The following GLIS1 variants were observed in gnomAD, a reference collection of about 807,000 sequenced individuals.
The protein encoded by GLIS1 is GLIS family zinc finger 1, also known as zinc finger protein GLIS1.
GLIS1 carries 24 observed loss-of-function variants against 63.8 expected under a neutral mutation model. The observed-to-expected ratio is 0.38, with a 90% confidence interval of 0.27 to 0.53. GLIS1 has a LOEUF of 0.53. Ranked by LOEUF, GLIS1 falls within the 20% of genes least tolerant of loss-of-function variation. The pLI, the probability that GLIS1 is intolerant of heterozygous loss-of-function variation, is 0.85. For missense variants in GLIS1, 1,036 were observed against 1,074.1 expected (o/e 0.96, Z 0.50); for synonymous variants, 450 against 482.5 (o/e 0.93, Z 0.88).
intron 2 of GLIS1, among the ~76,000 whole-genome samples, chr1:53,636,453 T>G (rs1401132420): frequency 2.0e-5 from 3 of 152,072 alleles, no homozygotes; most frequent in Admixed American, 1.3e-4. Context: ...AAAAAAAAGC[T>G]TCCTTAATGT....
At chr1:53,550,836 C>A (rs1644750494) in intron 4 of GLIS1, among the ~76,000 whole-genome samples, 1 of 152,016 alleles carries the variant, frequency 6.6e-6, no homozygotes, top group Admixed American at 6.6e-5. Flanking sequence ...TCCAAAATCC[C>A]AGCAATTTTT....
intron 2 of GLIS1, among the ~76,000 whole-genome samples, chr1:53,704,753 C>A (rs1646559975): frequency 6.6e-6 from 1 of 152,140 alleles, no homozygotes; most frequent in Non-Finnish European, 1.5e-5. Context: ...CTCTAGCAGC[C>A]CCCAAACCTG....
At chr1:53,605,755 G>A (rs17382457) in intron 2 of GLIS1, among the ~76,000 whole-genome samples, 42,312 of 152,096 alleles carry the variant, frequency 0.28, 6,294 homozygotes, top group South Asian at 0.36. Context: ...GATTGAAGAA[G>A]GGACTTGTCC....
In GLIS1 at chr1:53,514,634, G is replaced by A. The variant is rs1331995403; in HGVS notation, c.1874C>T (p.Thr625Ile). 1 of 1,613,530 alleles carries A rather than the reference G, an allele frequency of 6.2e-7. No individual in the cohort carries two copies. The highest frequency in any genetic ancestry group is 1.7e-5 in the Admixed American group (1 of 59,976). The change falls in exon 8 of 11, where the codon ACC becomes ATC. Residue 625 changes from threonine to isoleucine, a missense_variant. Physicochemically the swap from Thr to Ile is moderately conservative, Grantham distance 89. Around this residue, in one of 3 missense-constraint regions of GLIS1, gnomAD observed 400 missense variants for 400.9 expected, o/e 1.00. Transcript: ENST00000628545. Reference protein sequence around the residue: ...HLSPLPMAESTRDGLGPGLLS... With the variant: ...HLSPLPMAESIRDGLGPGLLS... ...GGCCTGGTGTACATACCCATCCCGG[G>A]TGCTCTCAGCCATGGGCAGAGGGGA...
At chr1:53,711,211 A>AG (rs1646643365) in intron 2 of GLIS1, among the ~76,000 whole-genome samples, 1 of 152,124 alleles carries the variant, frequency 6.6e-6, no homozygotes, top group Admixed American at 6.5e-5. Flanking sequence ...GAAACTAAGG[A>AG]AGTAACTTGC....
intron 2 of GLIS1, among the ~76,000 whole-genome samples, chr1:53,713,603 A>T (rs554433802): frequency 2.4e-4 from 37 of 152,320 alleles, no homozygotes; most frequent in East Asian, 1.4e-3. Context: ...AAAATTTTTT[A>T]AAAAAATAAC....
At chr1:53,726,241 G>C (rs1001928408) in intron 2 of GLIS1, among the ~76,000 whole-genome samples, 1 of 152,206 alleles carries the variant, frequency 6.6e-6, no homozygotes, top group Middle Eastern at 3.4e-3. Flanking sequence ...AGAAGGGGCG[G>C]GTAGGTCGGC....
At position 53,526,620 on chromosome 1, in the gene GLIS1, C is replaced by A. The variant is rs565145110; in HGVS notation, c.1483-1733G>T. Among the ~76,000 whole-genome samples, 143 of 152,338 alleles carry A rather than the reference C, an allele frequency of 9.4e-4. No homozygotes were observed. Among genetic ancestry groups the A allele is most frequent in the African/African-American group, 3.2e-3 (135 of 41,588 alleles). On this transcript the variant is annotated intron_variant, in intron 5 of 10. Transcript: ENST00000628545. The surrounding 1 kb of genome is among the most constrained non-coding windows in gnomAD (Gnocchi z 4.4). ...CACGCACGGCACACACACGTGCGTT[C>A]ACATGTGCCCAGGCACACACACGGC...
At chr1:53,658,901 G>A (rs1245228983) in intron 2 of GLIS1, among the ~76,000 whole-genome samples, 2 of 152,192 alleles carry the variant, frequency 1.3e-5, no homozygotes, top group Admixed American at 6.5e-5. Context: ...AATGAGTGGG[G>A]AGGTGGGGGG....
chr1:53,707,622 C>A (rs947322775), intron 2 of GLIS1, among the ~76,000 whole-genome samples: 2 of 151,712 alleles, frequency 1.3e-5, no homozygotes, highest in African/African-American at 4.8e-5. Flanking sequence ...TGCACTGCAG[C>A]CTGGGTGACA....
At chr1:53,607,630 G>C (rs1415144743) in intron 2 of GLIS1, among the ~76,000 whole-genome samples, 1 of 152,200 alleles carries the variant, frequency 6.6e-6, no homozygotes, top group Non-Finnish European at 1.5e-5. Flanking sequence ...TGCAAGGCCA[G>C]CTCTATTAGA....
intron 2 of GLIS1, among the ~76,000 whole-genome samples, chr1:53,632,496 A>G (rs1048402288): frequency 7.0e-6 from 1 of 142,850 alleles, no homozygotes; most frequent in Admixed American, 6.9e-5. Context: ...CATGTGAATG[A>G]GTGTGACTGA....
chr1:53,669,932 CAGCCCAGCCAA>C (rs1024942457), intron 2 of GLIS1, among the ~76,000 whole-genome samples: 3 of 144,708 alleles, frequency 2.1e-5, no homozygotes, highest in Non-Finnish European at 4.6e-5. Flanking sequence ...CAGCAGCTTG[CAGCCCAGCCAA>C]GGCCCAGCCA....
At chr1:53,596,019 C>A (rs965780993) in intron 3 of GLIS1, among the ~76,000 whole-genome samples, 4 of 152,208 alleles carry the variant, frequency 2.6e-5, no homozygotes, top group African/African-American at 9.6e-5. Context: ...GCCGTGCAAA[C>A]GTGGGCAAGG....
chr1:53,718,964 C>T lies in GLIS1; in HGVS notation c.259+18842G>A, dbSNP rs139165883. On this transcript the variant is annotated intron_variant, in intron 2 of 10. Coordinates refer to ENST00000628545, the MANE Select transcript of GLIS1 (RefSeq NM_001367484.1). ...CTCTTTGGACTTGGATGCTTAGTGC[C>T]CACTGTGTTACCCTGGGCCACTTCT... Among the ~76,000 whole-genome samples the T allele has an allele frequency of 5.3e-5, 8 of 152,316 alleles. 1 individual carries two copies. In the South Asian group the frequency reaches 1.7e-3, roughly 32 times the overall value.
At chr1:53,589,660 G>A (rs980484982) in intron 4 of GLIS1, among the ~76,000 whole-genome samples, 2 of 152,188 alleles carry the variant, frequency 1.3e-5, no homozygotes, top group Non-Finnish European at 2.9e-5. Flanking sequence ...AGGGGCGTAA[G>A]GAATGGAGAC....
chr1:53,621,559 A>T (rs1645542670), intron 2 of GLIS1, among the ~76,000 whole-genome samples: 1 of 152,292 alleles, frequency 6.6e-6, no homozygotes, highest in African/African-American at 2.4e-5. Flanking sequence ...CCAAATGGCT[A>T]CATTCCCAAA....
At chr1:53,692,470 T>C (rs926562015) in intron 2 of GLIS1, among the ~76,000 whole-genome samples, 2 of 152,266 alleles carry the variant, frequency 1.3e-5, no homozygotes, top group South Asian at 4.1e-4. Flanking sequence ...GCACTTACTG[T>C]GTGCTTTACA....
chr1:53,703,495 C>T (rs541342615), intron 2 of GLIS1, among the ~76,000 whole-genome samples: 262 of 152,114 alleles, frequency 1.7e-3, no homozygotes, highest in African/African-American at 6.2e-3. Flanking sequence ...AAAAATTACC[C>T]AGGCATGGTG....
Sources: gnomAD v4.1 joint callset for allele counts (sites outside exome capture counted in the v4.1 genomes callset) on GRCh38, gnomAD v4.1.1 for gene constraint, gnomAD v4.1.1 regional missense constraint, Gnocchi (gnomAD v3.1) non-coding constraint, MANE v1.5 for transcripts, NCBI Gene and HGNC (gene_info 2026-07-23, HGNC 2026-07-21) for gene names.